ADAMTSL1: variants seen among roughly 807,000 people sequenced by gnomAD.
ADAMTSL1 encodes ADAMTS like 1.
ADAMTSL1 carries 126 observed loss-of-function variants against 201.8 expected under a neutral mutation model. The observed-to-expected ratio is 0.62, with a 90% CI of 0.54 to 0.72. The LOEUF is 0.72. Among genes scored for constraint, ADAMTSL1 ranks in the 30% least tolerant of loss-of-function variants. ADAMTSL1 has a pLI of 0.00. For missense variants in ADAMTSL1, 2,679 were observed against 2,277.8 expected (o/e 1.18, Z -3.59); for synonymous variants, 1,121 against 903.4 (o/e 1.24, Z -4.32).
intron 2 of ADAMTSL1, among the ~76,000 whole-genome samples, chr9:18,301,994 A>T (rs1679828780): frequency 6.6e-6 from 1 of 152,218 alleles, no homozygotes; most frequent in South Asian, 2.1e-4. Context: ...AGGCCTCAGT[A>T]TGTCCAAAGA....
chr9:17,986,423 T>C (rs1818931947), intron 1 of ADAMTSL1, among the ~76,000 whole-genome samples: 1 of 151,910 alleles, frequency 6.6e-6, no homozygotes, highest in East Asian at 1.9e-4. Context: ...TAGTCCTGAG[T>C]ATGTACCCAA....
At chr9:18,629,368 T>A (rs1308966153) in intron 5 of ADAMTSL1, among the ~76,000 whole-genome samples, 2 of 152,162 alleles carry the variant, frequency 1.3e-5, no homozygotes, top group African/African-American at 4.8e-5. Flanking sequence ...TTGAGTATGA[T>A]GTTAGCTGTA....
chr9:18,275,476 CA>C (rs1486770528), intron 2 of ADAMTSL1, among the ~76,000 whole-genome samples: 3 of 152,074 alleles, frequency 2.0e-5, no homozygotes, highest in African/African-American at 7.2e-5. Context: ...TTCATCAGCA[CA>C]AAAAGTTCTC....
chr9:18,022,990 T>C (rs529968710), intron 1 of ADAMTSL1, among the ~76,000 whole-genome samples: 52 of 152,184 alleles, frequency 3.4e-4, no homozygotes, highest in Middle Eastern at 6.8e-3. Flanking sequence ...TTTCTCTCCA[T>C]CTCCCTCTTC....
At chr9:18,050,079 G>A (rs918548179) in intron 1 of ADAMTSL1, among the ~76,000 whole-genome samples, 1 of 152,148 alleles carries the variant, frequency 6.6e-6, no homozygotes, top group African/African-American at 2.4e-5. Context: ...TAGTCATCCA[G>A]TGGAAAATGT....
chr9:18,750,766 G>T (rs971363293), intron 15 of ADAMTSL1, among the ~76,000 whole-genome samples: 1 of 152,182 alleles, frequency 6.6e-6, no homozygotes, highest in Non-Finnish European at 1.5e-5. Flanking sequence ...GGCAGTTCTG[G>T]CTTGAGGTCT....
intron 2 of ADAMTSL1, among the ~76,000 whole-genome samples, chr9:18,334,019 G>A (rs888789800): frequency 6.6e-6 from 1 of 152,084 alleles, no homozygotes; most frequent in East Asian, 1.9e-4. Context: ...GATTTCCTAG[G>A]CATTAAAGTG....
chr9:18,557,893 C>A (rs1356638753), intron 3 of ADAMTSL1, among the ~76,000 whole-genome samples: 3 of 151,840 alleles, frequency 2.0e-5, no homozygotes, highest in Admixed American at 2.0e-4. Context: ...AGATTTTATT[C>A]CCTGTTGCCT....
intron 25 of ADAMTSL1, among the ~76,000 whole-genome samples, chr9:18,890,972 C>T (rs1196045164): frequency 6.6e-6 from 1 of 152,078 alleles, no homozygotes; most frequent in Non-Finnish European, 1.5e-5. Context: ...GATTTCAATG[C>T]CCCCGGGAGT....
intron 1 of ADAMTSL1, among the ~76,000 whole-genome samples, chr9:17,907,262 C>G (rs1448392293): frequency 6.6e-6 from 1 of 152,192 alleles, no homozygotes; most frequent in Non-Finnish European, 1.5e-5. Context: ...CTCTACCCCC[C>G]ACCCTTTCCG....
intron 7 of ADAMTSL1, among the ~76,000 whole-genome samples, chr9:18,650,179 G>A (rs182291780): frequency 3.4e-4 from 52 of 152,338 alleles, no homozygotes; most frequent in Non-Finnish European, 5.0e-4. Context: ...CTCCGTGGGC[G>A]TGGGACCCTC....
chr9:18,285,398 A>G (rs114937952), intron 2 of ADAMTSL1, among the ~76,000 whole-genome samples: 2,310 of 152,252 alleles, frequency 0.015, 67 homozygotes, highest in African/African-American at 0.053. Flanking sequence ...TAAGAGAGTC[A>G]ATAATTTGTC....
Position 17,952,049 on chromosome 9 carries a change from G to T in ADAMTSL1, c.87+45127G>T, listed in dbSNP as rs886417462. On this transcript the variant is annotated intron_variant, in intron 1 of 29. Transcript: ENST00000680146. ...CTCCTGGGTCTCAAGCAATTTTCCC[G>T]CATCAGCCTCCTGAGTTGCTGGGAA... 2.6e-5 allele frequency among the ~76,000 whole-genome samples: 4 copies of T among 151,406 alleles called. 1 individual carries two copies. The highest frequency in any genetic ancestry group is 5.9e-5 in the Non-Finnish European group (4 of 67,908).
chr9:18,122,450 T>C (rs1825541600), intron 1 of ADAMTSL1, among the ~76,000 whole-genome samples: 1 of 152,172 alleles, frequency 6.6e-6, no homozygotes, highest in South Asian at 2.1e-4. Context: ...TTTTGCTGTT[T>C]CTATGGATTC....
intron 1 of ADAMTSL1, among the ~76,000 whole-genome samples, chr9:18,074,391 C>T (rs147661386): frequency 7.2e-5 from 11 of 152,298 alleles, no homozygotes; most frequent in African/African-American, 2.6e-4. Flanking sequence ...GTTGTCTGTT[C>T]TCAGGTGACC....
At chr9:18,624,189 AAAAT>A (rs1826214941) in intron 5 of ADAMTSL1, among the ~76,000 whole-genome samples, 1 of 152,234 alleles carries the variant, frequency 6.6e-6, no homozygotes, top group African/African-American at 2.4e-5. Flanking sequence ...CAAAAAAAAT[AAAAT>A]AAATTTAAAA....
At chr9:18,802,544 T>C (rs1299352111) in intron 20 of ADAMTSL1, among the ~76,000 whole-genome samples, 1 of 152,250 alleles carries the variant, frequency 6.6e-6, no homozygotes, top group Non-Finnish European at 1.5e-5. Context: ...AGCATTATTC[T>C]TGTTTATGGT....
chr9:18,066,076 C>A (rs7860145), intron 1 of ADAMTSL1, among the ~76,000 whole-genome samples: 1 of 149,882 alleles, frequency 6.7e-6, no homozygotes, highest in Non-Finnish European at 1.5e-5. Flanking sequence ...AAAGAAATGG[C>A]AAAAGAAATA....
At chr9:18,164,340 T>G (rs562250015) in intron 2 of ADAMTSL1, among the ~76,000 whole-genome samples, 5 of 152,020 alleles carry the variant, frequency 3.3e-5, no homozygotes, top group African/African-American at 1.2e-4. Context: ...CCAGATTGTT[T>G]TATGGGTCAG....
Sources: gnomAD v4.1 joint callset for allele counts (sites outside exome capture counted in the v4.1 genomes callset) on GRCh38, gnomAD v4.1.1 for gene constraint, MANE v1.5 for transcripts, NCBI Gene and HGNC (gene_info 2026-07-23, HGNC 2026-07-21) for gene names.